ADARB1: variants seen among roughly 807,000 people sequenced by gnomAD.
The protein encoded by ADARB1 is double-stranded RNA-specific editase 1.
Under a neutral mutation model 52.4 loss-of-function variants are expected in ADARB1, and 10 were observed. That is an observed-to-expected ratio of 0.19 (90% confidence interval 0.12 to 0.32). ADARB1 has a LOEUF of 0.32. Ranked by LOEUF, ADARB1 falls within the 10% of genes least tolerant of loss-of-function variation. ADARB1 has a pLI of 1.00. For missense variants in ADARB1, 643 were observed against 922.3 expected (o/e 0.70, Z 3.92); for synonymous variants, 349 against 371.1 (o/e 0.94, Z 0.68).
chr21:45,163,535 C>T (rs1224273849), intron 2 of ADARB1, among the ~76,000 whole-genome samples: 1 of 152,154 alleles, frequency 6.6e-6, no homozygotes, highest in Admixed American at 6.5e-5. Flanking sequence ...GAATCTCCCC[C>T]CCACCTCCAC....
chr21:45,123,188 T>C (rs76042193), intron 1 of ADARB1, among the ~76,000 whole-genome samples: 1 of 152,310 alleles, frequency 6.6e-6, no homozygotes, highest in East Asian at 1.9e-4. Flanking sequence ...CCAGGTTAAA[T>C]AGACACTGTG....
At position 45,222,139 on chromosome 21, in the gene ADARB1, G is replaced by A. The variant is rs531901589; in HGVS notation, c.2048G>A (p.Gly683Glu). 1.2e-6 allele frequency: 2 copies of A among 1,610,230 alleles called. No homozygotes were observed. Among genetic ancestry groups the A allele is most frequent in the South Asian group, 2.2e-5 (2 of 90,588 alleles). Residue 683 changes from glycine to glutamate, a missense_variant, in exon 11 of 11, where the codon GGG (glycine) becomes GAG (glutamate). Gly to Glu is a moderately conservative substitution (Grantham distance 98). This residue lies in a region of ADARB1 where 263 missense variants were observed against 475.8 expected (regional missense o/e 0.55). Coordinates refer to ENST00000348831, the MANE Select transcript of ADARB1 (RefSeq NM_001112.4). ...CTGTTCACAGCCTTCATCAAGGCGG[G>A]GCTGGGGGCCTGGGTGGAGAAGCCC... ...ARLFTAFIKA[G>E]LGAWVEKPTE...
chr21:45,165,928 G>C (rs986242775), intron 2 of ADARB1, among the ~76,000 whole-genome samples: 4 of 151,870 alleles, frequency 2.6e-5, no homozygotes, highest in African/African-American at 9.7e-5. Context: ...ATTTTTGAGG[G>C]GAAAATGGAT....
chr21:45,110,964 G>T (rs1444470961), intron 1 of ADARB1, among the ~76,000 whole-genome samples: 2 of 152,168 alleles, frequency 1.3e-5, no homozygotes, highest in East Asian at 3.8e-4. Context: ...TGAGAGCTCA[G>T]GTCGAGAGGG....
intron 6 of ADARB1, 68 bp downstream of exon 6, chr21:45,182,821 G>A: frequency 7.4e-7 from 1 of 1,344,508 alleles, no homozygotes; most frequent in Non-Finnish European, 1.0e-6. Context: ...AGAAAACATT[G>A]CAAAACCTTT....
At chr21:45,196,880 A>G (rs2092436368) in intron 8 of ADARB1, among the ~76,000 whole-genome samples, 1 of 152,214 alleles carries the variant, frequency 6.6e-6, no homozygotes, top group Admixed American at 6.5e-5. Flanking sequence ...AGGTATGTAA[A>G]TAGAACAATC....
chr21:45,102,458 A>G (rs1405879227), intron 1 of ADARB1, among the ~76,000 whole-genome samples: 1 of 152,208 alleles, frequency 6.6e-6, no homozygotes, highest in Non-Finnish European at 1.5e-5. Context: ...AACAGCATAT[A>G]AAAAATAGAG....
In ADARB1 at chr21:45,176,425, G is replaced by A. The variant is rs925720923; in HGVS notation, c.724G>A (p.Glu242Lys). Residue 242 changes from glutamate (E) to lysine (K), a missense_variant, in exon 4 of 11, where the codon GAA becomes AAA. Glu to Lys is a moderately conservative substitution (Grantham distance 56). Transcript: ENST00000348831. This position sits in a 1 kb window ranked among gnomAD's most constrained non-coding sequence, Gnocchi z 5.8. Reference protein sequence around the residue: ...SGKNPVMILNELRPGLKYDFL... With the variant: ...SGKNPVMILNKLRPGLKYDFL... The stretch of plus-strand genomic sequence containing the variant: ...GAAGAATCCCGTGATGATCTTGAAC[G>A]AACTGCGCCCAGGACTCAAGTATGA... 2.5e-6 allele frequency: 4 copies of A among 1,614,050 alleles called. No individual in the cohort carries two copies. The highest frequency in any genetic ancestry group is 3.4e-6 in the Non-Finnish European group (4 of 1,180,036).
intron 1 of ADARB1, among the ~76,000 whole-genome samples, chr21:45,119,091 T>G (rs968289886): frequency 3.3e-5 from 5 of 152,190 alleles, no homozygotes; most frequent in African/African-American, 4.8e-5. Flanking sequence ...TAAAAGCCCT[T>G]TTAATTAATT....
At chr21:45,193,989 A>G (rs1478148004) in intron 8 of ADARB1, among the ~76,000 whole-genome samples, 1 of 152,242 alleles carries the variant, frequency 6.6e-6, no homozygotes, top group African/African-American at 2.4e-5. Flanking sequence ...TCCAAAATCC[A>G]TATGGAAATG....
rs372556563 is a variant in ADARB1, at chr21:45,224,679, G to A, written c.*2482G>A. 11 of 849,656 alleles carry A rather than the reference G, an allele frequency of 1.3e-5. No homozygotes were observed. Among genetic ancestry groups the A allele is most frequent in the East Asian group, 2.0e-4 (1 of 4,980 alleles). 52.6% of individuals were successfully genotyped at this position (849,656 alleles called of 1,614,324 possible). A position where few individuals can be genotyped will look rare whatever the true frequency, so the allele number is the denominator to read the frequency against. ...AACTGGGTTCCGGGAGCCCTGGGCC[G>A]GGGCAGGGGGCGGCTGTAGGAAGGA... On this transcript the variant is annotated 3_prime_UTR_variant, in exon 11 of 11. Transcript: ENST00000348831.
chr21:45,125,720 T>A (rs187877983), intron 1 of ADARB1, among the ~76,000 whole-genome samples: 5 of 152,382 alleles, frequency 3.3e-5, no homozygotes, highest in Admixed American at 2.0e-4. Flanking sequence ...TCTCTTGTGT[T>A]CCCTTTCTGT....
chr21:45,189,733 G>GT (rs59742161), intron 8 of ADARB1, among the ~76,000 whole-genome samples: 3,689 of 132,042 alleles, frequency 0.028, 73 homozygotes, highest in African/African-American at 0.059. Context: ...TGACAGGGTT[G>GT]TTTTTTTTTT....
At chr21:45,207,604 T>G (rs1018046694) in intron 9 of ADARB1, among the ~76,000 whole-genome samples, 1 of 152,178 alleles carries the variant, frequency 6.6e-6, no homozygotes. Context: ...AAAAGAAAAG[T>G]CTTACATTTG....
intron 1 of ADARB1, among the ~76,000 whole-genome samples, chr21:45,081,457 G>T (rs2086147576): frequency 6.6e-6 from 1 of 152,226 alleles, no homozygotes; most frequent in African/African-American, 2.4e-5. Flanking sequence ...TGTATTAGAT[G>T]ATTTTGTTCA....
At position 45,182,581 on chromosome 21, in the gene ADARB1, TCAGGCA is replaced by T; in HGVS notation, c.1079_1084del (p.Gly360_Thr361del). On this transcript the variant is annotated splice_acceptor_variant and splice_polypyrimidine_tract_variant and coding_sequence_variant and intron_variant, in exon 6 of 11. Transcript: ENST00000348831. LOFTEE classifies it high-confidence loss of function. ...AAAATAGTGTCTCTTTTTTTTTTTT[TCAGGCA>T]CAGATGTTAAAGATGCCAAGGTGAT... is the stretch of plus-strand genomic sequence containing the variant. The T allele has an allele frequency of 6.3e-7, 1 of 1,579,772 alleles. No individual in the cohort carries two copies. The highest frequency in any genetic ancestry group is 2.1e-5 in the Admixed American group (1 of 48,530).
rs2090750954 is a variant in ADARB1, at chr21:45,157,959, C to A, written c.-47-13651C>A. Among the ~76,000 whole-genome samples the A allele has an allele frequency of 6.6e-6, 1 of 152,234 alleles. No individual in the cohort carries two copies. The highest frequency in any genetic ancestry group is 1.5e-5 in the Non-Finnish European group (1 of 68,046). ...GCAGTGGCACACACCACAAATTGCA[C>A]AGCACCCCCACAGGAGGCGAGCCTG... On this transcript the variant is annotated intron_variant, in intron 2 of 10. Coordinates refer to ENST00000348831, the MANE Select transcript of ADARB1 (RefSeq NM_001112.4). The surrounding 1 kb of genome is among the most constrained non-coding windows in gnomAD (Gnocchi z 4.1).
chr21:45,189,168 T>C (rs2092208018), intron 8 of ADARB1, among the ~76,000 whole-genome samples: 1 of 152,174 alleles, frequency 6.6e-6, no homozygotes, highest in Admixed American at 6.5e-5. Flanking sequence ...GGGACATAGC[T>C]AAACCATATC....
At chr21:45,136,704 G>A (rs370607912) in intron 2 of ADARB1, among the ~76,000 whole-genome samples, 53 of 152,344 alleles carry the variant, frequency 3.5e-4, no homozygotes, top group African/African-American at 1.0e-3. Context: ...GGGTGTCCCC[G>A]CACCCAGAGG....
Sources: allele counts gnomAD v4.1 joint callset (sites outside exome capture counted in the v4.1 genomes callset), GRCh38; gene constraint gnomAD v4.1.1; regional missense constraint gnomAD v4.1.1; non-coding constraint Gnocchi (gnomAD v3.1); transcripts MANE v1.5; gene names NCBI Gene and HGNC (gene_info 2026-07-23, HGNC 2026-07-21).